Variants in STAM observed in about 807,000 individuals in gnomAD.
STAM encodes signal transducing adaptor molecule.
Under a neutral mutation model 63.4 loss-of-function variants are expected in STAM, and 16 were observed. The ratio of observed to expected loss-of-function variants is 0.25; its 90% CI spans 0.17 to 0.38. The LOEUF (loss-of-function observed/expected upper bound fraction) is 0.38, where lower values mean the gene tolerates loss of function less well. STAM is among the 10% of genes least tolerant of loss of function. STAM has a pLI of 1.00. For synonymous variants in STAM, 238 were observed against 223.9 expected (o/e 1.06, Z -0.56); for missense variants, 636 against 657.1 (o/e 0.97, Z 0.35).
intron 2 of STAM, among the ~76,000 whole-genome samples, chr10:17,668,285 T>G (rs1386522004): frequency 1.3e-5 from 2 of 152,096 alleles, no homozygotes; most frequent in Non-Finnish European, 2.9e-5. Flanking sequence ...GGAGAGTGGT[T>G]TGGAAGAGGC....
At chr10:17,676,901 A>ATG (rs1484497395) in intron 2 of STAM, among the ~76,000 whole-genome samples, 9 of 151,920 alleles carry the variant, frequency 5.9e-5, no homozygotes, top group Admixed American at 5.9e-4. Context: ...TTATACATAT[A>ATG]TATATATATA....
rs142963014 is a variant in STAM, at chr10:17,706,751, A to G, written c.1209+1010A>G. 9.9e-4 allele frequency among the ~76,000 whole-genome samples: 151 copies of G among 152,186 alleles called. 1 individual carries two copies. The highest frequency in any genetic ancestry group is 3.2e-3 in the Admixed American group (49 of 15,278). Reference sequence around the variant, plus strand: ...CTTAGTTCTTCATCAGGTTGTGTACACTCAATATGTATAGCCTTTTGCAGG... The same window carrying G: ...CTTAGTTCTTCATCAGGTTGTGTACGCTCAATATGTATAGCCTTTTGCAGG... On this transcript the variant is annotated intron_variant, in intron 12 of 13. Coordinates refer to ENST00000377524, the MANE Select transcript of STAM (RefSeq NM_003473.4).
Position 17,714,592 on chromosome 10 carries a change from G to A in STAM, c.1435G>A (p.Val479Ile), listed in dbSNP as rs1554830525. Residue 479 changes from valine (V) to isoleucine (I), a missense_variant, in exon 14 of 14, where the codon GTA (valine) becomes ATA (isoleucine). Val to Ile is a conservative substitution (Grantham distance 29). Coordinates refer to ENST00000377524, the MANE Select transcript of STAM (RefSeq NM_003473.4). ...QGNTYPSQAP[V>I]YSPPPAATAA... ...AAACACATATCCCAGCCAGGCGCCA[G>A]TATATAGTCCTCCTCCTGCCGCTAC... 7 of 1,614,194 alleles carry A rather than the reference G, an allele frequency of 4.3e-6. No individual in the cohort carries two copies. In the Admixed American group the frequency reaches 1.2e-4, roughly 27 times the overall value.
intron 2 of STAM, among the ~76,000 whole-genome samples, chr10:17,669,841 G>A (rs1554823848): frequency 6.7e-6 from 1 of 149,704 alleles, no homozygotes; most frequent in Non-Finnish European, 1.5e-5. Flanking sequence ...GGGACTACAG[G>A]CACCCGCCCC....
At chr10:17,669,320 T>G (rs2131599432) in intron 2 of STAM, among the ~76,000 whole-genome samples, 1 of 152,062 alleles carries the variant, frequency 6.6e-6, no homozygotes, top group African/African-American at 2.4e-5. Flanking sequence ...TAATTATTAA[T>G]ATGTTTTGAC....
intron 12 of STAM, among the ~76,000 whole-genome samples, chr10:17,706,539 A>C (rs1395454529): frequency 1.6e-4 from 24 of 151,740 alleles, no homozygotes; most frequent in Non-Finnish European, 8.8e-5. Context: ...TCACCACGCC[A>C]GGCTAATTTT....
chr10:17,680,555 G>A (rs922718147), intron 2 of STAM, among the ~76,000 whole-genome samples: 9 of 151,832 alleles, frequency 5.9e-5, no homozygotes, highest in Non-Finnish European at 1.3e-4. Flanking sequence ...ACAAGTGTGT[G>A]CCATCATGCC....
Position 17,705,703 on chromosome 10 carries a change from C to T in STAM, c.1171C>T (p.Pro391Ser), listed in dbSNP as rs372136574. The change falls in exon 12 of 14, where the codon CCA (proline) becomes TCA (serine). Residue 391 changes from proline to serine, a missense_variant. Coordinates refer to ENST00000377524, the MANE Select transcript of STAM (RefSeq NM_003473.4). ...CATGTATGCAAAGTTACAGAATCAG[C>T]CATATTATATGCAGTCATCTGGTGT... ...YSMYAKLQNQ[P>S]YYMQSSGVSG... is the part of the protein sequence containing the mutation. The T allele has an allele frequency of 6.2e-7, 1 of 1,613,696 alleles. No homozygotes were observed. The highest frequency in any genetic ancestry group is 1.1e-5 in the South Asian group (1 of 90,938).
chr10:17,660,925 C>T (rs1564533404), intron 2 of STAM, among the ~76,000 whole-genome samples: 1 of 152,088 alleles, frequency 6.6e-6, no homozygotes, highest in Non-Finnish European at 1.5e-5. Flanking sequence ...TAATCACCCT[C>T]CTTCATATTT....
intron 2 of STAM, among the ~76,000 whole-genome samples, chr10:17,681,171 T>C (rs1835070625): frequency 6.6e-6 from 1 of 151,080 alleles, no homozygotes; most frequent in African/African-American, 2.4e-5. Flanking sequence ...GCCATCCTGA[T>C]GGGTGTGAGG....
intron 2 of STAM, among the ~76,000 whole-genome samples, chr10:17,683,389 C>T (rs80183407): frequency 7.5e-4 from 114 of 152,164 alleles, no homozygotes; most frequent in African/African-American, 2.1e-3. Context: ...CCCAAACTTC[C>T]GGACTCAAGC....
chr10:17,649,702 C>G (rs1258209791), intron 1 of STAM, among the ~76,000 whole-genome samples: 1 of 152,164 alleles, frequency 6.6e-6, no homozygotes, highest in African/African-American at 2.4e-5. Flanking sequence ...ACAAATTCAT[C>G]TGTCAGAAAA....
At chr10:17,711,325 A>G (rs1478445775) in intron 13 of STAM, among the ~76,000 whole-genome samples, 2 of 152,154 alleles carry the variant, frequency 1.3e-5, no homozygotes, top group South Asian at 4.1e-4. Flanking sequence ...ATAATAAGTG[A>G]CAATTACTGT....
Position 17,714,837 on chromosome 10 carries a change from AG to A in STAM, c.*58del. 2 of 1,451,774 alleles carry A rather than the reference AG, an allele frequency of 1.4e-6. No individual in the cohort carries two copies. The highest frequency in any genetic ancestry group is 1.9e-6 in the Non-Finnish European group (2 of 1,032,722). The allele number at this position is 1,451,774 out of a possible 1,614,324, so 89.9% of individuals were successfully genotyped here. A position where few individuals can be genotyped will look rare whatever the true frequency, so the allele number is the denominator to read the frequency against. On this transcript the variant is annotated 3_prime_UTR_variant, in exon 14 of 14. Coordinates refer to ENST00000377524, the MANE Select transcript of STAM (RefSeq NM_003473.4). ...GCTAAATGCCACTGACAATGTTATG[AG>A]ATTCATTACTATCTTAAGATGTGTT... is the stretch of plus-strand genomic sequence containing the variant.
At chr10:17,703,026 A>G (rs1017948019) in intron 9 of STAM, among the ~76,000 whole-genome samples, 1 of 103,322 alleles carries the variant, frequency 9.7e-6, no homozygotes, top group Non-Finnish European at 1.9e-5. Context: ...AAAAAAAAAA[A>G]AGAAAAGAAA....
chr10:17,663,577 C>T (rs1422836900), intron 2 of STAM, among the ~76,000 whole-genome samples: 2 of 151,930 alleles, frequency 1.3e-5, no homozygotes, highest in Admixed American at 6.6e-5. Flanking sequence ...TTTCTTCCCA[C>T]TTACTCACTT....
intron 1 of STAM, among the ~76,000 whole-genome samples, chr10:17,653,251 C>G (rs1833809037): frequency 6.6e-6 from 1 of 152,106 alleles, no homozygotes; most frequent in African/African-American, 2.4e-5. Flanking sequence ...ATTTCCCAGT[C>G]CATCGAAACC....
intron 2 of STAM, 145 bp downstream of exon 2, chr10:17,660,693 G>A (rs7899398): frequency 3.8e-6 from 2 of 529,882 alleles, no homozygotes; most frequent in African/African-American, 3.9e-5. Context: ...AGAGGCTGCA[G>A]TGTGTGATGA....
At chr10:17,667,360 G>A (rs537730356) in intron 2 of STAM, among the ~76,000 whole-genome samples, 2 of 152,212 alleles carry the variant, frequency 1.3e-5, no homozygotes, top group African/African-American at 4.8e-5. Flanking sequence ...CTCACCTTGT[G>A]ATCTGCCCTC....
Sources: gnomAD v4.1 joint callset for allele counts (sites outside exome capture counted in the v4.1 genomes callset) on GRCh38, gnomAD v4.1.1 for gene constraint, MANE v1.5 for transcripts, NCBI Gene and HGNC (gene_info 2026-07-23, HGNC 2026-07-21) for gene names.